Variants in GDAP1 observed in about 807,000 individuals in gnomAD.
GDAP1 encodes the protein ganglioside-induced differentiation-associated protein 1.
Under a neutral mutation model 40.1 loss-of-function variants are expected in GDAP1, and 34 were observed. The ratio of observed to expected loss-of-function variants is 0.85; its 90% CI spans 0.64 to 1.13. GDAP1 has a LOEUF of 1.13. GDAP1 is among the 50% of genes most tolerant of loss of function. The probability of loss-of-function intolerance (pLI) is 0.00; values close to 1 mark genes in which losing one functional copy is unlikely to be tolerated. For synonymous variants in GDAP1, 170 were observed against 157.4 expected (o/e 1.08, Z -0.60); for missense variants, 374 against 433.7 (o/e 0.86, Z 1.22).
chr8:74,352,046 C>G (rs538829617), intron 2 of GDAP1, among the ~76,000 whole-genome samples: 1 of 152,278 alleles, frequency 6.6e-6, no homozygotes, highest in South Asian at 2.1e-4. Flanking sequence ...TCAATAATGT[C>G]TTCAAAAGTA....
rs1213581006 is a variant in GDAP1 at position 74,365,950 on chromosome 8, TATTA to T, written c.*1584_*1587del. 3 of 452,834 alleles carry T rather than the reference TATTA, an allele frequency of 6.6e-6. No homozygotes were observed. Among genetic ancestry groups the T allele is most frequent in the Non-Finnish European group, 1.3e-5 (3 of 226,496 alleles). 28.1% of individuals were successfully genotyped at this position (452,834 alleles called of 1,614,324 possible). On this transcript the variant is annotated 3_prime_UTR_variant, in exon 6 of 6. Transcript: ENST00000220822. Reference sequence around the variant, plus strand: ...ATGTATTCATTAGAGCCATAGAAGTTATTATTCATTAGTTCATAGTGTTTGAGTT... The same window carrying T: ...ATGTATTCATTAGAGCCATAGAAGTTTTCATTAGTTCATAGTGTTTGAGTT...
At chr8:74,486,496 G>A (rs760193289) in intron 2 of GDAP1, among the ~76,000 whole-genome samples, 3 of 152,150 alleles carry the variant, frequency 2.0e-5, no homozygotes, top group Non-Finnish European at 4.4e-5. Context: ...ATAAATTAGT[G>A]AATAACCAGC....
rs117849628 is a variant in GDAP1, at chr8:74,390,724, C to T, written c.165+39403C>T. ...AGCTTGAGCGCTGTCCTAGGAGATC[C>T]GCTGCTCTCTTCAGAGCCAGCAGGC... On this transcript the variant is annotated intron_variant, in intron 2 of 2. Coordinates refer to the GDAP1 transcript ENST00000523640. Among the ~76,000 whole-genome samples, 188 of 152,268 alleles carry T rather than the reference C, an allele frequency of 1.2e-3. 2 individuals carry two copies. The East Asian group carries it at 0.028, about 23-fold the overall frequency.
chr8:74,424,374 C>A (rs1805922165), intron 2 of GDAP1, among the ~76,000 whole-genome samples: 1 of 152,112 alleles, frequency 6.6e-6, no homozygotes, highest in African/African-American at 2.4e-5. Flanking sequence ...GGACACAAAT[C>A]ACTTTCCTGA....
At chr8:74,416,194 C>T (rs942947820) in intron 2 of GDAP1, among the ~76,000 whole-genome samples, 2 of 149,942 alleles carry the variant, frequency 1.3e-5, no homozygotes, top group African/African-American at 5.1e-5. Flanking sequence ...TGTGGGAAGC[C>T]AGAGTGTGGA....
intron 2 of GDAP1, among the ~76,000 whole-genome samples, chr8:74,467,014 A>C (rs1169562834): frequency 1.3e-5 from 2 of 152,226 alleles, no homozygotes; most frequent in Non-Finnish European, 2.9e-5. Context: ...TTAGGAACAC[A>C]GACAGCTTAT....
chr8:74,479,155 A>G (rs1241736408), intron 2 of GDAP1, among the ~76,000 whole-genome samples: 1 of 152,122 alleles, frequency 6.6e-6, no homozygotes, highest in Non-Finnish European at 1.5e-5. Context: ...CACTTTACAG[A>G]CCTTATAATA....
At chr8:74,427,881 T>C (rs984610179) in intron 2 of GDAP1, among the ~76,000 whole-genome samples, 2 of 152,212 alleles carry the variant, frequency 1.3e-5, no homozygotes, top group African/African-American at 4.8e-5. Context: ...TATTACCTAT[T>C]AATTTTTAAA....
At chr8:74,437,790 A>G (rs546418020) in intron 2 of GDAP1, among the ~76,000 whole-genome samples, 2 of 152,246 alleles carry the variant, frequency 1.3e-5, no homozygotes, top group Non-Finnish European at 2.9e-5. Context: ...ATTTAAGCAC[A>G]TGGTACGTGT....
intron 2 of GDAP1, among the ~76,000 whole-genome samples, chr8:74,435,328 A>G (rs544862434): frequency 2.0e-5 from 3 of 152,288 alleles, no homozygotes; most frequent in Non-Finnish European, 4.4e-5. Context: ...CAAGAGCCAT[A>G]CCTGCTATTT....
intron 2 of GDAP1, among the ~76,000 whole-genome samples, chr8:74,437,622 C>T (rs535758469): frequency 2.0e-5 from 3 of 152,038 alleles, no homozygotes; most frequent in Non-Finnish European, 4.4e-5. Flanking sequence ...ATTCATATAT[C>T]TATAAAATGG....
chr8:74,375,025 A>T (rs1050523290), intron 2 of GDAP1, among the ~76,000 whole-genome samples: 36 of 152,162 alleles, frequency 2.4e-4, no homozygotes, highest in African/African-American at 8.7e-4. Flanking sequence ...CCAGTATCTG[A>T]GTTAAATAAG....
At chr8:74,398,158 G>C (rs1183412064) in intron 2 of GDAP1, among the ~76,000 whole-genome samples, 1 of 152,000 alleles carries the variant, frequency 6.6e-6, no homozygotes, top group African/African-American at 2.4e-5. Context: ...CTCTCTGTTT[G>C]TCTGTTATTG....
At position 74,360,276 on chromosome 8, in the gene GDAP1, C is replaced by A. The variant is rs752334269; in HGVS notation, c.450C>A (p.Ser150=). ...TACATCCTGAGTTAACTGTGGACTC[C>A]ATGATCCCGGCTTATGCAACTACAA... ...CILHPELTVD[S]MIPAYATTRI... The change falls in exon 3 of 6, where the codon TCC becomes TCA. Residue 150 remains serine, a synonymous_variant. Transcript: ENST00000220822. 2 of 1,614,016 alleles carry A rather than the reference C, an allele frequency of 1.2e-6. No individual in the cohort carries two copies. Among genetic ancestry groups the A allele is most frequent in the South Asian group, 2.2e-5 (2 of 91,076 alleles).
chr8:74,366,073 A>G lies in GDAP1; in HGVS notation c.*1706A>G, dbSNP rs1179104807. On this transcript the variant is annotated 3_prime_UTR_variant, in exon 6 of 6. Coordinates refer to ENST00000220822, the MANE Select transcript of GDAP1 (RefSeq NM_018972.4). The stretch of plus-strand genomic sequence containing the variant: ...CTCTGAAGGATATTTACCTATGAAA[A>G]AGTTGTTAAGAATAAAAATTAGAAG... The G allele has an allele frequency of 2.3e-6, 1 of 439,132 alleles. No individual in the cohort carries two copies. Among genetic ancestry groups the G allele is most frequent in the Non-Finnish European group, 4.5e-6 (1 of 222,452 alleles). The allele number at this position is 439,132 out of a possible 1,614,324, so 27.2% of individuals were successfully genotyped here. A position where few individuals can be genotyped will look rare whatever the true frequency, so the allele number is the denominator to read the frequency against.
In GDAP1 at chr8:74,401,625, C is replaced by T. The variant is rs781499998; in HGVS notation, c.165+50304C>T. Among the ~76,000 whole-genome samples, 22 of 149,774 alleles carry T rather than the reference C, an allele frequency of 1.5e-4. 1 individual carries two copies. Among genetic ancestry groups the T allele is most frequent in the South Asian group, 6.2e-4 (3 of 4,818 alleles). On this transcript the variant is annotated intron_variant, in intron 2 of 2. Coordinates refer to the GDAP1 transcript ENST00000523640. ...ATGCGTTCCTTTGGAGGAGGAGAGG[C>T]GCTCTGCTTTTTAGAGTTTCCAGTT...
Position 74,406,830 on chromosome 8 carries a change from T to G in GDAP1, c.165+55509T>G, listed in dbSNP as rs6996387. Among the ~76,000 whole-genome samples the G allele has an allele frequency of 8.8e-3, 1,323 of 150,010 alleles. 172 individuals carry two copies. Among genetic ancestry groups the G allele is most frequent in the African/African-American group, 0.032 (1,259 of 39,348 alleles). On this transcript the variant is annotated intron_variant, in intron 2 of 2. Coordinates refer to the GDAP1 transcript ENST00000523640. ...CTGGTACTAGGGAAGTCCCAGAAAT[T>G]AACTTAACATGAGACAATTCATCTT...
rs765664895 is a variant in GDAP1 at position 74,351,400 on chromosome 8, C to A, written c.244C>A (p.His82Asn). Residue 82 changes from histidine to asparagine, a missense_variant, in exon 2 of 6, where the codon CAC (histidine) becomes AAC (asparagine). His to Asn is a moderately conservative substitution (Grantham distance 68). Transcript: ENST00000220822. ...NSTGEVPVLI[H>N]GENIICEATQ... is the part of the protein sequence containing the mutation. ...AACTGGAGAAGTGCCTGTCCTTATC[C>A]ACGGGGAAAACATAATTTGTGAGGC... 2 of 1,613,782 alleles carry A rather than the reference C, an allele frequency of 1.2e-6. No homozygotes were observed. Among genetic ancestry groups the A allele is most frequent in the Non-Finnish European group, 1.7e-6 (2 of 1,179,788 alleles).
intron 2 of GDAP1, among the ~76,000 whole-genome samples, chr8:74,354,792 C>T (rs559917045): frequency 1.8e-4 from 28 of 152,314 alleles, no homozygotes; most frequent in African/African-American, 6.7e-4. Context: ...GAATAGTTGA[C>T]ATTTTGTCCA....
Sources: gnomAD v4.1 joint callset for allele counts (sites outside exome capture counted in the v4.1 genomes callset) on GRCh38, gnomAD v4.1.1 for gene constraint, MANE v1.5 for transcripts, NCBI Gene and HGNC (gene_info 2026-07-23, HGNC 2026-07-21) for gene names.